DPP6: variants seen among roughly 807,000 people sequenced by gnomAD.
DPP6 encodes the protein dipeptidyl peptidase like 6.
Under a neutral mutation model 122.6 loss-of-function variants are expected in DPP6, and 69 were observed. That is an observed-to-expected ratio of 0.56 (90% CI 0.46 to 0.69). DPP6 has a LOEUF of 0.69. Among genes scored for constraint, DPP6 ranks in the 30% least tolerant of loss-of-function variants. The pLI, the probability that DPP6 is intolerant of heterozygous loss-of-function variation, is 0.00. For synonymous variants in DPP6, 418 were observed against 433.1 expected, an observed-to-expected ratio of 0.97 and a Z score of 0.43; for missense variants, 928 against 1,116.9, an observed-to-expected ratio of 0.83 and a Z score of 2.41.
chr7:154,421,535 G>C (rs1407411546), intron 1 of DPP6, among the ~76,000 whole-genome samples: 1 of 152,052 alleles, frequency 6.6e-6, no homozygotes, highest in Admixed American at 6.5e-5. Context: ...TGTTGGCCAG[G>C]CTGGTCTTGA....
intron 1 of DPP6, among the ~76,000 whole-genome samples, chr7:154,128,145 C>T (rs1409630130): frequency 6.6e-6 from 1 of 150,686 alleles, no homozygotes; most frequent in South Asian, 2.1e-4. Flanking sequence ...TGACTTGCCA[C>T]ATCCCTGAAA....
chr7:154,595,488 A>G (rs1384843648), intron 5 of DPP6, among the ~76,000 whole-genome samples: 2 of 152,206 alleles, frequency 1.3e-5, no homozygotes, highest in Non-Finnish European at 2.9e-5. Context: ...TAAACTGGGT[A>G]AGATTTGCAT....
At chr7:153,787,860 G>A in the DPP6 span, among the ~76,000 whole-genome samples, 1 of 128,204 alleles carries the variant, frequency 7.8e-6, no homozygotes, top group East Asian at 2.2e-4. Flanking sequence ...TTCCTGTTGT[G>A]TCTATCTTTC....
At position 154,794,163 on chromosome 7, in the gene DPP6, C is replaced by T. The variant is rs760831044; in HGVS notation, c.1221C>T (p.Ile407=). ...TGAACCGGGCGCAGAACGTGTCCAT[C>T]CTCACCCTCTGCGACGCCACCACGG... ...TWLNRAQNVS[I]LTLCDATTGV... The change falls in exon 11 of 26, where the codon ATC becomes ATT. Residue 407 remains isoleucine, a synonymous_variant. Transcript: ENST00000377770. 7 of 1,612,422 alleles carry T rather than the reference C, an allele frequency of 4.3e-6. No homozygotes were observed. In the African/African-American group the frequency reaches 5.3e-5, roughly 12 times the overall value.
At chr7:154,800,937 T>G (rs745478224) in intron 12 of DPP6, among the ~76,000 whole-genome samples, 1 of 152,214 alleles carries the variant, frequency 6.6e-6, no homozygotes, top group Non-Finnish European at 1.5e-5. Flanking sequence ...TTCTGATATA[T>G]AATAAATGCC....
intron 1 of DPP6, among the ~76,000 whole-genome samples, chr7:154,339,492 G>T (rs187576997): frequency 6.6e-6 from 1 of 152,196 alleles, no homozygotes; most frequent in African/African-American, 2.4e-5. Context: ...TCTACTTCCC[G>T]TAGGCTCCTG....
intron 2 of DPP6, among the ~76,000 whole-genome samples, chr7:154,473,445 T>G (rs1409963594): frequency 6.6e-6 from 1 of 152,170 alleles, no homozygotes. Context: ...TTCAAAAGAC[T>G]GCTACACACA....
chr7:154,272,323 A>G (rs1803849199), intron 1 of DPP6, among the ~76,000 whole-genome samples: 1 of 152,244 alleles, frequency 6.6e-6, no homozygotes, highest in Non-Finnish European at 1.5e-5. Context: ...GACTACAGAG[A>G]ACACACCTCT....
chr7:154,700,099 G>T (rs1840433230), intron 7 of DPP6, among the ~76,000 whole-genome samples: 1 of 152,160 alleles, frequency 6.6e-6, no homozygotes, highest in Non-Finnish European at 1.5e-5. Context: ...TCAGTGTTTG[G>T]TTAATAACAA....
At chr7:153,825,187 A>G in the DPP6 span, among the ~76,000 whole-genome samples, 2 of 152,108 alleles carry the variant, frequency 1.3e-5, no homozygotes, top group Admixed American at 6.5e-5. Context: ...TTCTTTGCAT[A>G]TATCTCTTTC....
At chr7:154,663,867 G>A (rs1233258777) in intron 6 of DPP6, among the ~76,000 whole-genome samples, 1 of 111,134 alleles carries the variant, frequency 9.0e-6, no homozygotes, top group African/African-American at 2.7e-5. Flanking sequence ...AATCACCATG[G>A]CGTATTGGCC....
At chr7:154,737,707 A>C (rs1842634108) in intron 8 of DPP6, among the ~76,000 whole-genome samples, 1 of 152,192 alleles carries the variant, frequency 6.6e-6, no homozygotes, top group African/African-American at 2.4e-5. Context: ...TTGCCTATGA[A>C]ATTAGGCTTG....
intron 7 of DPP6, among the ~76,000 whole-genome samples, chr7:154,720,670 C>T (rs1306614677): frequency 1.3e-5 from 2 of 152,218 alleles, no homozygotes; most frequent in Non-Finnish European, 2.9e-5. Context: ...ACTGCAGGGC[C>T]CCAGTGCCAC....
intron 1 of DPP6, among the ~76,000 whole-genome samples, chr7:154,208,997 T>C (rs1799598758): frequency 6.6e-6 from 1 of 152,182 alleles, no homozygotes; most frequent in East Asian, 1.9e-4. Context: ...ACAACAGTGA[T>C]TTCCACCTCC....
intron 5 of DPP6, among the ~76,000 whole-genome samples, chr7:154,621,913 A>G (rs1312789818): frequency 6.6e-6 from 1 of 152,194 alleles, no homozygotes; most frequent in Non-Finnish European, 1.5e-5. Context: ...CATGTGATGT[A>G]AAGTACTAAC....
chr7:154,757,959 C>A (rs1487906435), intron 8 of DPP6, among the ~76,000 whole-genome samples: 1 of 152,150 alleles, frequency 6.6e-6, no homozygotes, highest in Non-Finnish European at 1.5e-5. Flanking sequence ...CAACCAAGTG[C>A]CGCGCTCTCC....
At chr7:153,947,448 C>T (rs766313448) in intron 1 of DPP6, among the ~76,000 whole-genome samples, 1 of 152,134 alleles carries the variant, frequency 6.6e-6, no homozygotes, top group Non-Finnish European at 1.5e-5. Flanking sequence ...TTACCTCTAT[C>T]TTCTTAAGTT....
At chr7:153,897,963 G>C (rs1448380845) in intron 1 of DPP6, among the ~76,000 whole-genome samples, 3 of 152,144 alleles carry the variant, frequency 2.0e-5, no homozygotes, top group Admixed American at 6.5e-5. Flanking sequence ...AAAGCTGTGT[G>C]GATAAGGAGC....
chr7:153,847,393 C>A, the DPP6 span, among the ~76,000 whole-genome samples: 4 of 152,068 alleles, frequency 2.6e-5, no homozygotes, highest in Non-Finnish European at 5.9e-5. Flanking sequence ...TGTTGATGAT[C>A]TCAGTATTGG....
Sources: gnomAD v4.1 joint callset for allele counts (sites outside exome capture counted in the v4.1 genomes callset) on GRCh38, gnomAD v4.1.1 for gene constraint, MANE v1.5 for transcripts, NCBI Gene and HGNC (gene_info 2026-07-23, HGNC 2026-07-21) for gene names.